NAALADL2: variants seen among roughly 807,000 people sequenced by gnomAD.
The protein encoded by NAALADL2 is N-acetylated alpha-linked acidic dipeptidase like 2, also known as inactive N-acetylated-alpha-linked acidic dipeptidase-like protein 2.
A neutral mutation model predicts 87.2 loss-of-function variants in NAALADL2; 76 were observed. That is an observed-to-expected ratio of 0.87 (90% CI 0.72 to 1.05). The LOEUF (loss-of-function observed/expected upper bound fraction) is 1.05, where lower values mean the gene tolerates loss of function less well. NAALADL2 is among the 50% of genes least tolerant of loss of function. The probability of loss-of-function intolerance (pLI) is 0.00; values close to 1 mark genes in which losing one functional copy is unlikely to be tolerated. For missense variants in NAALADL2, 1,089 were observed against 945.8 expected (o/e 1.15, Z -1.99); for synonymous variants, 354 against 331.0 (o/e 1.07, Z -0.75).
chr3:175,330,134 T>C (rs1040953386), intron 5 of NAALADL2, among the ~76,000 whole-genome samples: 2 of 152,200 alleles, frequency 1.3e-5, no homozygotes, highest in Admixed American at 6.5e-5. Context: ...AAATCCATGA[T>C]GAATTCTGAG....
At chr3:174,894,906 A>T (rs1731318425) in intron 1 of NAALADL2, among the ~76,000 whole-genome samples, 1 of 152,114 alleles carries the variant, frequency 6.6e-6, no homozygotes, top group Admixed American at 6.5e-5. Context: ...AATACAGGGA[A>T]ATTAAACAAT....
chr3:175,314,856 T>C (rs1388587688), intron 4 of NAALADL2, among the ~76,000 whole-genome samples: 1 of 151,334 alleles, frequency 6.6e-6, no homozygotes, highest in East Asian at 2.0e-4. Context: ...CATTACTGGA[T>C]ACATATCATA....
intron 2 of NAALADL2, among the ~76,000 whole-genome samples, chr3:174,630,954 G>A (rs1351147038): frequency 6.6e-6 from 1 of 151,996 alleles, no homozygotes; most frequent in African/African-American, 2.4e-5. Flanking sequence ...GGGATTTTGG[G>A]TCTATATTTT....
chr3:174,982,986 G>A (rs970755425), intron 1 of NAALADL2, among the ~76,000 whole-genome samples: 1 of 152,102 alleles, frequency 6.6e-6, no homozygotes, highest in African/African-American at 2.4e-5. Context: ...TTTTAGTAGA[G>A]ACGGGGTTTC....
At chr3:175,117,424 C>G (rs1725425583) in intron 2 of NAALADL2, among the ~76,000 whole-genome samples, 1 of 151,984 alleles carries the variant, frequency 6.6e-6, no homozygotes, top group Non-Finnish European at 1.5e-5. Context: ...CAGAAAAAAT[C>G]AAACAACCTC....
At chr3:174,461,890 A>C (rs1716235460) in intron 1 of NAALADL2, among the ~76,000 whole-genome samples, 1 of 152,012 alleles carries the variant, frequency 6.6e-6, no homozygotes, top group Non-Finnish European at 1.5e-5. Context: ...TCTGTATGTG[A>C]AAATCACTTT....
intron 2 of NAALADL2, among the ~76,000 whole-genome samples, chr3:174,707,196 G>A (rs1280558622): frequency 1.3e-5 from 2 of 152,180 alleles, no homozygotes; most frequent in African/African-American, 4.8e-5. Flanking sequence ...CACTGTTGAT[G>A]GGACTGTAAA....
intron 7 of NAALADL2, among the ~76,000 whole-genome samples, chr3:175,464,622 C>G (rs1290185997): frequency 1.3e-5 from 2 of 152,092 alleles, no homozygotes; most frequent in African/African-American, 2.4e-5. Flanking sequence ...CAAGTTCTCC[C>G]TGGAGAATTA....
intron 2 of NAALADL2, among the ~76,000 whole-genome samples, chr3:174,663,252 CAT>C (rs1327259408): frequency 2.0e-5 from 3 of 151,978 alleles, no homozygotes; most frequent in Admixed American, 6.6e-5. Flanking sequence ...ACAAAAATAA[CAT>C]AAAATGAGCT....
chr3:174,937,029 C>G (rs1424163482), intron 1 of NAALADL2, among the ~76,000 whole-genome samples: 1 of 152,000 alleles, frequency 6.6e-6, no homozygotes, highest in Non-Finnish European at 1.5e-5. Context: ...AAAAAAGAGC[C>G]AGAGAGATAA....
At chr3:175,115,871 A>G (rs894924259) in intron 2 of NAALADL2, among the ~76,000 whole-genome samples, 2 of 151,934 alleles carry the variant, frequency 1.3e-5, no homozygotes, top group Admixed American at 1.3e-4. Flanking sequence ...GCAGCACATC[A>G]AAAAGCTTAT....
chr3:175,463,574 C>T, intron 7 of NAALADL2, 81 bp downstream of exon 7: 1 of 714,062 alleles, frequency 1.4e-6, no homozygotes, highest in Non-Finnish European at 2.2e-6. Flanking sequence ...TAATATTATA[C>T]TTAAATATCC....
chr3:174,903,258 G>T (rs954600691), intron 1 of NAALADL2, among the ~76,000 whole-genome samples: 3 of 152,036 alleles, frequency 2.0e-5, no homozygotes, highest in African/African-American at 7.2e-5. Context: ...CTACTTAATT[G>T]TTTTTATAGG....
At chr3:174,790,815 A>C (rs1373628293) in intron 3 of NAALADL2, among the ~76,000 whole-genome samples, 2 of 152,188 alleles carry the variant, frequency 1.3e-5, no homozygotes, top group Non-Finnish European at 2.9e-5. Context: ...TTGATGATTT[A>C]TTTTAAAACC....
At chr3:174,811,091 C>T (rs542570007) in intron 3 of NAALADL2, among the ~76,000 whole-genome samples, 22 of 152,222 alleles carry the variant, frequency 1.4e-4, no homozygotes, top group African/African-American at 4.3e-4. Flanking sequence ...TTGCAGGGGA[C>T]GTATGGAAAA....
chr3:174,463,414 C>T (rs550425896), intron 1 of NAALADL2, among the ~76,000 whole-genome samples: 1 of 152,140 alleles, frequency 6.6e-6, no homozygotes, highest in African/African-American at 2.4e-5. Flanking sequence ...GACTGGGAAT[C>T]AAGTTGAAGG....
intron 1 of NAALADL2, among the ~76,000 whole-genome samples, chr3:175,005,011 C>T (rs965050760): frequency 7.2e-5 from 11 of 152,126 alleles, no homozygotes; most frequent in African/African-American, 1.9e-4. Context: ...AAACAGAAAA[C>T]GAGTAAAATG....
At chr3:175,713,131 T>TA (rs1487808791) in intron 11 of NAALADL2, among the ~76,000 whole-genome samples, 8 of 152,102 alleles carry the variant, frequency 5.3e-5, no homozygotes, top group African/African-American at 1.9e-4. Flanking sequence ...TATTTTCATA[T>TA]AAAAACTCTG....
At chr3:175,352,694 G>A (rs1214100386) in intron 5 of NAALADL2, among the ~76,000 whole-genome samples, 1 of 152,106 alleles carries the variant, frequency 6.6e-6, no homozygotes, top group Non-Finnish European at 1.5e-5. Context: ...TTTGTTTCTG[G>A]ACTAAGAGGG....
Sources: gnomAD v4.1 joint callset for allele counts (sites outside exome capture counted in the v4.1 genomes callset) on GRCh38, gnomAD v4.1.1 for gene constraint, MANE v1.5 for transcripts, NCBI Gene and HGNC (gene_info 2026-07-23, HGNC 2026-07-21) for gene names.